Variants in LEMD2 observed in about 807,000 individuals in gnomAD.
LEMD2 encodes LEM domain-containing protein 2.
Under a neutral mutation model 58.8 loss-of-function variants are expected in LEMD2, and 34 were observed. The observed-to-expected ratio is 0.58, with a 90% CI of 0.44 to 0.77. The LOEUF is 0.77. LEMD2 is among the 30% of genes least tolerant of loss of function. The probability of loss-of-function intolerance (pLI) is 0.00; values close to 1 mark genes in which losing one functional copy is unlikely to be tolerated. For synonymous variants in LEMD2, 298 were observed against 308.9 expected, an observed-to-expected ratio of 0.96 and a Z score of 0.37; for missense variants, 629 against 717.9, an observed-to-expected ratio of 0.88 and a Z score of 1.42.
At position 33,776,817 on chromosome 6, in the gene LEMD2, G is replaced by A. The variant is rs568855526; in HGVS notation, c.1361+137C>T. ...ATGCTGGGGAGCAGCAGGAGTGGGA[G>A]CAGAGCCACTCTTGGCCCTGGGGTC... On this transcript the variant is annotated intron_variant, in intron 8 of 8. Transcript: ENST00000293760. 3.0e-5 allele frequency: 21 copies of A among 695,280 alleles called. No homozygotes were observed. The East Asian group carries it at 5.4e-4, about 18-fold the overall frequency. 43.1% of individuals were successfully genotyped at this position (695,280 alleles called of 1,614,324 possible).
rs1329167054 is a variant in LEMD2 at position 33,772,474 on chromosome 6, C to A, written c.*154G>T. 7 of 706,978 alleles carry A rather than the reference C, an allele frequency of 9.9e-6. No individual in the cohort carries two copies. Among genetic ancestry groups the A allele is most frequent in the Non-Finnish European group, 1.6e-5 (7 of 431,678 alleles). 43.8% of individuals were successfully genotyped at this position (706,978 alleles called of 1,614,324 possible). On this transcript the variant is annotated 3_prime_UTR_variant, in exon 9 of 9. Coordinates refer to ENST00000293760, the MANE Select transcript of LEMD2 (RefSeq NM_181336.4). ...ACATTTTCCTGCGAGCCGAACTCCT[C>A]TGAAGAGTATGGCAGACCTTTGGAA...
intron 3 of LEMD2, chr6:33,781,485 A>C: frequency 1.3e-5 from 3 of 238,062 alleles, no homozygotes; most frequent in Non-Finnish European, 2.4e-5. Context: ...ACTATAAATA[A>C]ACACAGCCTG....
intron 8 of LEMD2, among the ~76,000 whole-genome samples, chr6:33,774,488 G>A (rs1233521808): frequency 1.3e-5 from 2 of 148,360 alleles, no homozygotes; most frequent in South Asian, 2.1e-4. Context: ...GGTGTGCAAT[G>A]GCATGATCTC....
intron 2 of LEMD2, chr6:33,784,644 G>A: frequency 2.0e-6 from 1 of 502,436 alleles, no homozygotes; most frequent in Non-Finnish European, 3.6e-6. Flanking sequence ...AGAAGCAGAG[G>A]CAAAGCTGAA....
chr6:33,787,840 T>C (rs907775996), intron 1 of LEMD2, among the ~76,000 whole-genome samples: 33 of 152,230 alleles, frequency 2.2e-4, no homozygotes, highest in African/African-American at 7.7e-4. Flanking sequence ...CAGTTTAACC[T>C]GTCTGGCAAG....
At chr6:33,786,637 T>C (rs1767683716) in intron 2 of LEMD2, 97 bp downstream of exon 2, 1 of 933,810 alleles carries the variant, frequency 1.1e-6, no homozygotes, top group Admixed American at 2.0e-5. Flanking sequence ...AAGCACTCCC[T>C]GAAAATGATC....
At chr6:33,776,149 A>C (rs370118623) in intron 8 of LEMD2, among the ~76,000 whole-genome samples, 1 of 152,252 alleles carries the variant, frequency 6.6e-6, no homozygotes, top group East Asian at 1.9e-4. Flanking sequence ...GTGCCCTGGA[A>C]GCTGACCCCA....
At chr6:33,780,507 T>C (rs1767540972) in intron 4 of LEMD2, among the ~76,000 whole-genome samples, 1 of 152,168 alleles carries the variant, frequency 6.6e-6, no homozygotes, top group African/African-American at 2.4e-5. Flanking sequence ...AACAGCGTTG[T>C]GGCTGGGGGT....
chr6:33,784,698 C>T (rs1767636975), intron 2 of LEMD2: 4 of 373,538 alleles, frequency 1.1e-5, no homozygotes, highest in Non-Finnish European at 2.0e-5. Context: ...AGGCTCCTGG[C>T]TCCTGCCTTT....
At chr6:33,782,360 C>T (rs546624661) in intron 3 of LEMD2, 26 of 152,476 alleles carry the variant, frequency 1.7e-4, no homozygotes, top group African/African-American at 5.8e-4. Context: ...CAAAGCCTCT[C>T]TGGCCCTCAC....
chr6:33,787,067 CG>C (rs1767693960), intron 1 of LEMD2: 1 of 425,364 alleles, frequency 2.4e-6, no homozygotes, highest in African/African-American at 2.1e-5. Context: ...GTCTGTAAAA[CG>C]GGATCAAATG....
At position 33,784,338 on chromosome 6, in the gene LEMD2, C is replaced by G; in HGVS notation, c.853+14G>C. The G allele has an allele frequency of 6.2e-7, 1 of 1,606,888 alleles. No homozygotes were observed. Among genetic ancestry groups the G allele is most frequent in the African/African-American group, 1.3e-5 (1 of 74,820 alleles). On this transcript the variant is annotated intron_variant, in intron 3 of 8. Coordinates refer to ENST00000293760, the MANE Select transcript of LEMD2 (RefSeq NM_181336.4). ...CTCACAAGAGGAATCTCAGGACTTA[C>G]GTGACTTACTCACCAGCTTGGATGG...
chr6:33,785,085 G>A (rs1767646933), intron 2 of LEMD2, among the ~76,000 whole-genome samples: 1 of 152,052 alleles, frequency 6.6e-6, no homozygotes, highest in Admixed American at 6.6e-5. Context: ...CAGCACAAAG[G>A]CAGAAAGAAA....
At position 33,771,323 on chromosome 6, in the gene LEMD2, C is replaced by CA. The variant is rs1401223733; in HGVS notation, c.*1304dup. 1 of 152,010 alleles carries CA rather than the reference C, an allele frequency of 6.6e-6. No individual in the cohort carries two copies. The highest frequency in any genetic ancestry group is 2.4e-5 in the African/African-American group (1 of 41,292). 9.4% of individuals were successfully genotyped at this position (152,010 alleles called of 1,614,324 possible). On this transcript the variant is annotated 3_prime_UTR_variant, in exon 9 of 9. Transcript: ENST00000293760. Reference sequence around the variant, plus strand: ...GAGCCTGATTATGAGAACATGGCCTCACCACGGGGCCAGCGCTCAGATTCC... The same window carrying CA: ...GAGCCTGATTATGAGAACATGGCCTCAACCACGGGGCCAGCGCTCAGATTCC...
chr6:33,786,441 A>G (rs1056075373), intron 2 of LEMD2, among the ~76,000 whole-genome samples: 1 of 152,064 alleles, frequency 6.6e-6, no homozygotes, highest in Non-Finnish European at 1.5e-5. Flanking sequence ...ACAACAACCT[A>G]CTGCATCCCC....
In LEMD2 at chr6:33,772,756, C is replaced by T; in HGVS notation, c.1384G>A (p.Asp462Asn). The change falls in exon 9 of 9, where the codon GAC becomes AAC. Residue 462 changes from aspartate to asparagine, a missense_variant. Physicochemically the swap from Asp to Asn is conservative, Grantham distance 23. Coordinates refer to ENST00000293760, the MANE Select transcript of LEMD2 (RefSeq NM_181336.4). Reference sequence around the variant, plus strand: ...GAGGCCAGGAACTCCACAGCTCGGTCCCAGACACGCTTCATGCGCCTCCTG... The same window carrying T: ...GAGGCCAGGAACTCCACAGCTCGGTTCCAGACACGCTTCATGCGCCTCCTG... Reference protein sequence around the residue: ...QSRRRMKRVWDRAVEFLASNE... With the variant: ...QSRRRMKRVWNRAVEFLASNE... The T allele has an allele frequency of 6.2e-7, 1 of 1,613,724 alleles. No homozygotes were observed. Among genetic ancestry groups the T allele is most frequent in the Non-Finnish European group, 8.5e-7 (1 of 1,179,922 alleles).
intron 2 of LEMD2, among the ~76,000 whole-genome samples, chr6:33,785,649 G>C (rs1582262815): frequency 6.6e-6 from 1 of 152,206 alleles, no homozygotes; most frequent in African/African-American, 2.4e-5. Flanking sequence ...CTTACAGAAA[G>C]TTATTTTTTC....
chr6:33,783,619 C>T (rs1406693842), intron 3 of LEMD2, among the ~76,000 whole-genome samples: 1 of 152,216 alleles, frequency 6.6e-6, no homozygotes, highest in South Asian at 2.1e-4. Context: ...TGCCAGGCGT[C>T]GGGCAGGACA....
In LEMD2 at chr6:33,771,944, GCCCTGGGGCTGCCC is replaced by G. The variant is rs1767306555; in HGVS notation, c.*670_*683del. The G allele has an allele frequency of 1.3e-5, 1 of 76,312 alleles. No homozygotes were observed. The allele number at this position is 76,312 out of a possible 1,614,324, so 4.7% of individuals were successfully genotyped here. ...AAGCAACACTGAGGCGGGCCCGCCC[GCCCTGGGGCTGCCC>G]GACCCTCCTCTCTGCTCTCAGCCCC... On this transcript the variant is annotated 3_prime_UTR_variant, in exon 9 of 9. Coordinates refer to ENST00000293760, the MANE Select transcript of LEMD2 (RefSeq NM_181336.4).
Sources: allele counts gnomAD v4.1 joint callset (sites outside exome capture counted in the v4.1 genomes callset), GRCh38; gene constraint gnomAD v4.1.1; transcripts MANE v1.5; gene names NCBI Gene and HGNC (gene_info 2026-07-23, HGNC 2026-07-21).